Variants in HAVCR2 observed in about 807,000 individuals in gnomAD.
The protein encoded by HAVCR2 is hepatitis A virus cellular receptor 2.
Under a neutral mutation model 24.7 loss-of-function variants are expected in HAVCR2, and 13 were observed. The observed-to-expected ratio is 0.53, with a 90% CI of 0.34 to 0.84. The LOEUF is 0.84. Among genes scored for constraint, HAVCR2 ranks in the 40% least tolerant of loss-of-function variants. The pLI, the probability that HAVCR2 is intolerant of heterozygous loss-of-function variation, is 0.01. For missense variants in HAVCR2, 343 were observed against 371.2 expected (o/e 0.92, Z 0.62); for synonymous variants, 154 against 143.4 (o/e 1.07, Z -0.53).
chr5:157,095,199 T>A (rs932919248), intron 5 of HAVCR2, 107 bp downstream of exon 5: 2 of 1,179,328 alleles, frequency 1.7e-6, no homozygotes, highest in Non-Finnish European at 2.4e-6. Flanking sequence ...GGGTATTTAG[T>A]CTAATCATCT....
At chr5:157,106,390 A>T (rs1757252293) in intron 2 of HAVCR2, 1 of 503,608 alleles carries the variant, frequency 2.0e-6, no homozygotes, top group Non-Finnish European at 3.6e-6. Flanking sequence ...TCAGCCTCCC[A>T]AAGTGCTGGG....
chr5:157,102,130 G>T (rs547237217), intron 3 of HAVCR2, among the ~76,000 whole-genome samples: 1 of 152,042 alleles, frequency 6.6e-6, no homozygotes, highest in South Asian at 2.1e-4. Context: ...AGAGACAGGG[G>T]TTTCACCATC....
At chr5:157,088,154 C>A (rs1377256957) in intron 6 of HAVCR2, among the ~76,000 whole-genome samples, 1 of 152,196 alleles carries the variant, frequency 6.6e-6, no homozygotes, top group Non-Finnish European at 1.5e-5. Context: ...ATGTGATCCT[C>A]CCACCTCAGC....
At chr5:157,091,251 C>A (rs1241881534) in intron 5 of HAVCR2, among the ~76,000 whole-genome samples, 2 of 152,118 alleles carry the variant, frequency 1.3e-5, no homozygotes, top group African/African-American at 2.4e-5. Context: ...TTGAGACCAG[C>A]CTGGCCAACA....
At chr5:157,096,051 C>A (rs1757090466) in intron 4 of HAVCR2, among the ~76,000 whole-genome samples, 1 of 151,826 alleles carries the variant, frequency 6.6e-6, no homozygotes, top group African/African-American at 2.4e-5. Context: ...CATGGTGAAA[C>A]CCCGTCTCTA....
Position 157,108,936 on chromosome 5 carries a change from T to TAGC in HAVCR2, c.45_47dup (p.Leu18dup), listed in dbSNP as rs749353244. The TAGC allele has an allele frequency of 1.4e-4, 232 of 1,612,586 alleles. No individual in the cohort carries two copies. Among genetic ancestry groups the TAGC allele is most frequent in the South Asian group, 1.2e-3 (106 of 90,920 alleles). The stretch of plus-strand genomic sequence containing the variant: ...CATGCCGAGACTTACTTGTAAGTAG[T>TAGC]AGCAGCAGCAGCAGCAGGACACAGT... On this transcript the variant is annotated inframe_insertion, in exon 1 of 7. Transcript: ENST00000307851.
At chr5:157,089,275 C>A (rs571114315) in intron 5 of HAVCR2, among the ~76,000 whole-genome samples, 1 of 152,178 alleles carries the variant, frequency 6.6e-6, no homozygotes, top group South Asian at 2.1e-4. Context: ...CCTAATTTCA[C>A]GAAGCTCACG....
rs764022733 is a variant in HAVCR2 at position 157,086,820 on chromosome 5, G to A, written c.*282C>T. 44 of 321,608 alleles carry A rather than the reference G, an allele frequency of 1.4e-4. No homozygotes were observed. The highest frequency in any genetic ancestry group is 9.8e-4 in the Admixed American group (19 of 19,424). The allele number at this position is 321,608 out of a possible 1,614,324, so 19.9% of individuals were successfully genotyped here. A position where few individuals can be genotyped will look rare whatever the true frequency, so the allele number is the denominator to read the frequency against. ...TTTCCTGGAGCTCCAGAGACCCCAC[G>A]TCAAGAATTCCTAGTGTATATAAAA... is the stretch of plus-strand genomic sequence containing the variant. On this transcript the variant is annotated 3_prime_UTR_variant, in exon 7 of 7. Coordinates refer to ENST00000307851, the MANE Select transcript of HAVCR2 (RefSeq NM_032782.5).
At chr5:157,103,554 A>G (rs559264525) in intron 3 of HAVCR2, among the ~76,000 whole-genome samples, 2 of 152,342 alleles carry the variant, frequency 1.3e-5, no homozygotes, top group Admixed American at 6.5e-5. Flanking sequence ...CTCTAATTGC[A>G]TAAAAGATGT....
rs148710676 is a variant in HAVCR2, at chr5:157,088,555, C to T, written c.713+386G>A. Among the ~76,000 whole-genome samples, 240 of 152,310 alleles carry T rather than the reference C, an allele frequency of 1.6e-3. 1 individual carries two copies. The highest frequency in any genetic ancestry group is 5.6e-3 in the African/African-American group (234 of 41,572). ...AAGTTGAAAATGCCTGGGCTGTTTACAGAAATGCTGAGAACAGATACTGGG... is the reference window on the plus strand; with the variant it reads ...AAGTTGAAAATGCCTGGGCTGTTTATAGAAATGCTGAGAACAGATACTGGG... On this transcript the variant is annotated intron_variant, in intron 6 of 6. Coordinates refer to ENST00000307851, the MANE Select transcript of HAVCR2 (RefSeq NM_032782.5).
rs894414229 is a variant in HAVCR2 at position 157,085,848 on chromosome 5, T to C, written c.*1254A>G. The C allele has an allele frequency of 6.6e-6, 1 of 151,960 alleles. No individual in the cohort carries two copies. Among genetic ancestry groups the C allele is most frequent in the Non-Finnish European group, 1.5e-5 (1 of 68,008 alleles). 9.4% of individuals were successfully genotyped at this position (151,960 alleles called of 1,614,324 possible). A position where few individuals can be genotyped will look rare whatever the true frequency, so the allele number is the denominator to read the frequency against. On this transcript the variant is annotated 3_prime_UTR_variant, in exon 7 of 7. Transcript: ENST00000307851. ...CAAACAAAAAACAGTAAAAAAAAAT[T>C]TTTAGTAAGTTCCAATTGTGTGTCA...
intron 3 of HAVCR2, 54 bp from the exon 4 acceptor site, chr5:157,098,955 A>C: frequency 6.5e-7 from 1 of 1,528,482 alleles, no homozygotes; most frequent in Non-Finnish European, 8.9e-7. Context: ...TAGTATAGTT[A>C]AGAACGTTTT....
intron 2 of HAVCR2, 69 bp from the exon 3 acceptor site, chr5:157,104,818 G>C (rs1482677891): frequency 1.6e-5 from 18 of 1,128,244 alleles, no homozygotes; most frequent in Non-Finnish European, 2.2e-5. Context: ...GGAATCAAAG[G>C]GGCAGCAAGA....
At position 157,086,867 on chromosome 5, in the gene HAVCR2, C is replaced by T. The variant is rs1049922672; in HGVS notation, c.*235G>A. The T allele has an allele frequency of 6.4e-6, 3 of 471,610 alleles. No homozygotes were observed. Among genetic ancestry groups the T allele is most frequent in the African/African-American group, 6.1e-5 (3 of 49,150 alleles). 29.2% of individuals were successfully genotyped at this position (471,610 alleles called of 1,614,324 possible). A position where few individuals can be genotyped will look rare whatever the true frequency, so the allele number is the denominator to read the frequency against. On this transcript the variant is annotated 3_prime_UTR_variant, in exon 7 of 7. Transcript: ENST00000307851. ...AAAAGCCCGTTTGAGCTCTAACATC[C>T]ATGATTAACAGTCTCTGGGTTGGGT... is the stretch of plus-strand genomic sequence containing the variant.
intron 5 of HAVCR2, among the ~76,000 whole-genome samples, chr5:157,092,372 G>A (rs1757016593): frequency 6.6e-6 from 1 of 151,858 alleles, no homozygotes; most frequent in South Asian, 2.1e-4. Flanking sequence ...TGAGGTGGGA[G>A]GATTATTTAA....
Position 157,087,153 on chromosome 5 carries a change from G to C in HAVCR2, c.855C>G (p.Ser285Arg), listed in dbSNP as rs200462505. 6.2e-7 allele frequency: 1 copy of C among 1,614,068 alleles called. No individual in the cohort carries two copies. The highest frequency in any genetic ancestry group is 1.7e-5 in the Admixed American group (1 of 59,984). ...EEPNEYYCYV[S>R]SRQQPSQPLG... ...AAGGTTGTGAGGGTTGCTGCCTGCT[G>C]CTGACATAGCAATAATACTCATTGG... Residue 285 changes from serine (S) to arginine (R), a missense_variant, in exon 7 of 7, where the codon AGC (serine) becomes AGG (arginine). By Grantham distance (110) the Ser-to-Arg change is moderately radical (BLOSUM62 -1). Coordinates refer to ENST00000307851, the MANE Select transcript of HAVCR2 (RefSeq NM_032782.5).
At chr5:157,092,433 TTTTTATTTTA>T (rs778661908) in intron 5 of HAVCR2, among the ~76,000 whole-genome samples, 1 of 151,760 alleles carries the variant, frequency 6.6e-6, no homozygotes, top group Non-Finnish European at 1.5e-5. Flanking sequence ...CTCATTTCTA[TTTTTATTTTA>T]TTTTATTTTA....
At position 157,104,667 on chromosome 5, in the gene HAVCR2, TG is replaced by T; in HGVS notation, c.476del (p.Pro159GlnfsTer13). 1 of 1,597,454 alleles carries T rather than the reference TG, an allele frequency of 6.3e-7. No individual in the cohort carries two copies. The highest frequency in any genetic ancestry group is 8.5e-7 in the Non-Finnish European group (1 of 1,169,636). On this transcript the variant is annotated frameshift_variant and splice_region_variant, in exon 3 of 7. Transcript: ENST00000307851. LOFTEE classifies it high-confidence loss of function. ...CTCCTCTGCCCCATGCATAGTTACCTGGGCCATGTCCCCTGGTGGTAAGCAT... is the reference window on the plus strand; with the variant it reads ...CTCCTCTGCCCCATGCATAGTTACCTGGCCATGTCCCCTGGTGGTAAGCAT... ...PRMLTTRGHG[P>X]AETQTLGSLP... is the part of the protein sequence containing the mutation.
intron 5 of HAVCR2, among the ~76,000 whole-genome samples, chr5:157,090,130 T>TC (rs1230702565): frequency 3.0e-5 from 4 of 135,500 alleles, no homozygotes; most frequent in African/African-American, 8.4e-5. Context: ...TTCTTTTTTT[T>TC]TTTTTTTTTT....
Sources: gnomAD v4.1 joint callset for allele counts (sites outside exome capture counted in the v4.1 genomes callset) on GRCh38, gnomAD v4.1.1 for gene constraint, MANE v1.5 for transcripts, NCBI Gene and HGNC (gene_info 2026-07-23, HGNC 2026-07-21) for gene names.